Variants in FBXL7 observed in about 807,000 individuals in gnomAD.
FBXL7 encodes the protein F-box/LRR-repeat protein 7.
FBXL7 carries 12 observed loss-of-function variants against 38.3 expected under a neutral mutation model. The ratio of observed to expected loss-of-function variants is 0.31; its 90% CI spans 0.20 to 0.51. The LOEUF (loss-of-function observed/expected upper bound fraction) is 0.51, where lower values mean the gene tolerates loss of function less well. Among genes scored for constraint, FBXL7 ranks in the 20% least tolerant of loss-of-function variants. The pLI is 0.98. For synonymous variants in FBXL7, 297 were observed against 300.9 expected, an observed-to-expected ratio of 0.99 and a Z score of 0.13; for missense variants, 567 against 676.4, an observed-to-expected ratio of 0.84 and a Z score of 1.79.
At chr5:15,501,285 A>G (rs2126338733) in intron 1 of FBXL7, among the ~76,000 whole-genome samples, 1 of 152,224 alleles carries the variant, frequency 6.6e-6, no homozygotes, top group Non-Finnish European at 1.5e-5. Flanking sequence ...GCAAAGGACC[A>G]TCTGTTACGT....
At chr5:15,797,792 C>T (rs1737455181) in intron 2 of FBXL7, among the ~76,000 whole-genome samples, 1 of 137,910 alleles carries the variant, frequency 7.3e-6, no homozygotes, top group African/African-American at 2.4e-5. Context: ...TAATAGCCTA[C>T]AATTTAGACG....
At chr5:15,866,699 T>G (rs1739730664) in intron 2 of FBXL7, among the ~76,000 whole-genome samples, 1 of 141,748 alleles carries the variant, frequency 7.1e-6, no homozygotes, top group Non-Finnish European at 1.5e-5. Flanking sequence ...CGTGTGTTGT[T>G]CCCCCTCTGT....
intron 2 of FBXL7, among the ~76,000 whole-genome samples, chr5:15,821,644 G>A (rs1445942261): frequency 2.0e-5 from 3 of 152,186 alleles, no homozygotes; most frequent in Non-Finnish European, 4.4e-5. Flanking sequence ...ACAGTTCTAT[G>A]AGGAAGTAAT....
intron 2 of FBXL7, among the ~76,000 whole-genome samples, chr5:15,673,485 C>T (rs1742553115): frequency 1.3e-5 from 2 of 152,070 alleles, no homozygotes; most frequent in Admixed American, 1.3e-4. Flanking sequence ...GGTGTATAAA[C>T]TGATTGTAAA....
chr5:15,708,518 G>C (rs1046735848), intron 2 of FBXL7, among the ~76,000 whole-genome samples: 2 of 152,194 alleles, frequency 1.3e-5, no homozygotes, highest in Non-Finnish European at 2.9e-5. Context: ...AGCTGAACTT[G>C]AGTGCCAGCA....
At chr5:15,894,513 G>A (rs1424450856) in intron 2 of FBXL7, among the ~76,000 whole-genome samples, 2 of 152,154 alleles carry the variant, frequency 1.3e-5, no homozygotes. Context: ...GCAGGTATAA[G>A]AACTATGGAG....
At chr5:15,924,841 GGTCTCAAA>G (rs1741840616) in intron 2 of FBXL7, among the ~76,000 whole-genome samples, 1 of 152,176 alleles carries the variant, frequency 6.6e-6, no homozygotes, top group African/African-American at 2.4e-5. Context: ...TGGCCAGGCT[GGTCTCAAA>G]CTCTTGGCCT....
chr5:15,773,553 A>G (rs1736784367), intron 2 of FBXL7, among the ~76,000 whole-genome samples: 1 of 151,938 alleles, frequency 6.6e-6, no homozygotes. Flanking sequence ...GGAGGCTGAG[A>G]TGGGAGGATC....
intron 2 of FBXL7, among the ~76,000 whole-genome samples, chr5:15,699,284 G>A (rs924883011): frequency 8.5e-5 from 13 of 152,172 alleles, no homozygotes; most frequent in African/African-American, 2.7e-4. Flanking sequence ...GAGGCTAGAA[G>A]TCCAGTATTA....
In FBXL7 at chr5:15,522,243, C is replaced by T. The variant is rs72745649; in HGVS notation, c.37+21530C>T. 3.0e-3 allele frequency among the ~76,000 whole-genome samples: 451 copies of T among 152,296 alleles called. 4 individuals carry two copies. The highest frequency in any genetic ancestry group is 6.8e-3 in the Middle Eastern group (2 of 294). On this transcript the variant is annotated intron_variant, in intron 1 of 3. Transcript: ENST00000504595. ...CCATAGTTCCCCCTTCTCCCTTTTC[C>T]TTATCCTCCCTGTTAGTCCCCTTTT...
At chr5:15,798,260 C>A (rs895680049) in intron 2 of FBXL7, among the ~76,000 whole-genome samples, 6 of 152,180 alleles carry the variant, frequency 3.9e-5, no homozygotes, top group African/African-American at 1.4e-4. Context: ...TGCCAGGCCC[C>A]TCCACCGCTC....
intron 2 of FBXL7, among the ~76,000 whole-genome samples, chr5:15,738,735 G>A (rs1735821229): frequency 1.3e-5 from 2 of 152,226 alleles, no homozygotes; most frequent in African/African-American, 4.8e-5. Context: ...GAGACCTTAT[G>A]TTGCACCTTT....
At position 15,500,423 on chromosome 5, in the gene FBXL7, C is replaced by T. The variant is rs1012699898; in HGVS notation, c.-254C>T. The T allele has an allele frequency of 4.7e-6, 2 of 429,178 alleles. No homozygotes were observed. Among genetic ancestry groups the T allele is most frequent in the East Asian group, 4.7e-5 (1 of 21,168 alleles). 26.6% of individuals were successfully genotyped at this position (429,178 alleles called of 1,614,324 possible). A position where few individuals can be genotyped will look rare whatever the true frequency, so the allele number is the denominator to read the frequency against. Reference sequence around the variant, plus strand: ...GGGCTGTGCGCGGCGCTGCGCCCGCCGGCCCCCAGCGCGGATTGTAAGTGC... The same window carrying T: ...GGGCTGTGCGCGGCGCTGCGCCCGCTGGCCCCCAGCGCGGATTGTAAGTGC... On this transcript the variant is annotated 5_prime_UTR_variant, in exon 1 of 4. Coordinates refer to ENST00000504595, the MANE Select transcript of FBXL7 (RefSeq NM_012304.5).
At chr5:15,803,054 G>A (rs1202421296) in intron 2 of FBXL7, among the ~76,000 whole-genome samples, 1 of 152,154 alleles carries the variant, frequency 6.6e-6, no homozygotes, top group Non-Finnish European at 1.5e-5. Flanking sequence ...GACCCATGAG[G>A]ACAGGCACCA....
intron 1 of FBXL7, among the ~76,000 whole-genome samples, chr5:15,508,466 G>A (rs972080360): frequency 1.3e-5 from 2 of 152,218 alleles, no homozygotes; most frequent in Non-Finnish European, 2.9e-5. Context: ...AGGAAGATCT[G>A]TCTAATGATT....
At chr5:15,797,943 T>C (rs1737459833) in intron 2 of FBXL7, among the ~76,000 whole-genome samples, 1 of 152,186 alleles carries the variant, frequency 6.6e-6, no homozygotes, top group Non-Finnish European at 1.5e-5. Context: ...GGAAAGTAAT[T>C]TGGATTTTTT....
intron 2 of FBXL7, among the ~76,000 whole-genome samples, chr5:15,646,941 C>T (rs563148136): frequency 2.0e-5 from 3 of 152,304 alleles, no homozygotes; most frequent in South Asian, 2.1e-4. Flanking sequence ...ATAATGTGTC[C>T]TCACTATGTG....
At position 15,822,652 on chromosome 5, in the gene FBXL7, G is replaced by A. The variant is rs12109055; in HGVS notation, c.128-105238G>A. On this transcript the variant is annotated intron_variant, in intron 2 of 3. Transcript: ENST00000504595. ...TTTTTTTTTTTTTTTCTTGCAGGGC[G>A]TTAAGGTTAGTATAGTAATATCAGC... Among the ~76,000 whole-genome samples, 623 of 143,270 alleles carry A rather than the reference G, an allele frequency of 4.3e-3. 3 individuals carry two copies. The highest frequency in any genetic ancestry group is 0.01 in the African/African-American group (402 of 38,482). 94.0% of individuals were successfully genotyped at this position (143,270 alleles called of 152,430 possible).
chr5:15,543,119 T>G (rs975832607), intron 1 of FBXL7, among the ~76,000 whole-genome samples: 15 of 152,186 alleles, frequency 9.9e-5, no homozygotes, highest in Admixed American at 3.9e-4. Context: ...ATCAGTGTAT[T>G]AGTCTGTTCT....
Sources: allele counts gnomAD v4.1 joint callset (sites outside exome capture counted in the v4.1 genomes callset), GRCh38; gene constraint gnomAD v4.1.1; transcripts MANE v1.5; gene names NCBI Gene and HGNC (gene_info 2026-07-23, HGNC 2026-07-21).